The following NRG1 variants were observed in gnomAD, a reference collection of about 807,000 sequenced individuals.
NRG1 encodes the protein neuregulin 1, also known as pro-neuregulin-1, membrane-bound isoform.
NRG1 carries 18 observed loss-of-function variants against 63.8 expected under a neutral mutation model. The ratio of observed to expected loss-of-function variants is 0.28; its 90% confidence interval spans 0.19 to 0.42. The LOEUF is 0.42. Among genes scored for constraint, NRG1 ranks in the 10% least tolerant of loss-of-function variants. The pLI is 1.00. For synonymous variants in NRG1, 302 were observed against 301.3 expected, an observed-to-expected ratio of 1.00 and a Z score of -0.02; for missense variants, 762 against 814.7, an observed-to-expected ratio of 0.94 and a Z score of 0.79.
chr8:31,981,946 A>G (rs1341996417), intron 1 of NRG1, among the ~76,000 whole-genome samples: 1 of 152,004 alleles, frequency 6.6e-6, no homozygotes, highest in Admixed American at 6.6e-5. Flanking sequence ...TCATCTAATC[A>G]AAATGGTAGA....
intron 1 of NRG1, among the ~76,000 whole-genome samples, chr8:32,454,433 T>C (rs1014558576): frequency 6.6e-6 from 1 of 152,136 alleles, no homozygotes; most frequent in Non-Finnish European, 1.5e-5. Context: ...TGAAACCCTA[T>C]GAGATTAGGT....
At chr8:32,263,217 C>A (rs1432484893) in intron 1 of NRG1, among the ~76,000 whole-genome samples, 1 of 152,110 alleles carries the variant, frequency 6.6e-6, no homozygotes, top group Non-Finnish European at 1.5e-5. Flanking sequence ...CTATGCTATC[C>A]CCTATGTGCT....
At chr8:32,159,768 T>C (rs1331127148) in intron 1 of NRG1, among the ~76,000 whole-genome samples, 3 of 152,060 alleles carry the variant, frequency 2.0e-5, no homozygotes, top group Non-Finnish European at 4.4e-5. Flanking sequence ...AGTATTAGTA[T>C]AATAGTCTTA....
chr8:31,989,527 G>A (rs1439201135), intron 1 of NRG1, among the ~76,000 whole-genome samples: 1 of 151,966 alleles, frequency 6.6e-6, no homozygotes, highest in Admixed American at 6.6e-5. Flanking sequence ...AAGCTGCTAT[G>A]CCTCAAGTAC....
intron 1 of NRG1, among the ~76,000 whole-genome samples, chr8:32,150,388 A>G (rs1205839019): frequency 1.3e-5 from 2 of 152,212 alleles, no homozygotes; most frequent in Non-Finnish European, 2.9e-5. Flanking sequence ...AGTGTGATAT[A>G]ATCAAGAGAT....
intron 1 of NRG1, among the ~76,000 whole-genome samples, chr8:31,866,678 AGTTCTT>A (rs2129611084): frequency 6.6e-6 from 1 of 152,282 alleles, no homozygotes; most frequent in East Asian, 1.9e-4. Flanking sequence ...ATGTTAATAC[AGTTCTT>A]GTTCTTATTC....
intron 1 of NRG1, among the ~76,000 whole-genome samples, chr8:32,271,419 G>C (rs1586540743): frequency 6.6e-6 from 1 of 152,184 alleles, no homozygotes; most frequent in Non-Finnish European, 1.5e-5. Flanking sequence ...AAGAGGAGAA[G>C]AGACTGAGTA....
intron 1 of NRG1, among the ~76,000 whole-genome samples, chr8:32,088,013 G>C (rs1173654310): frequency 6.6e-6 from 1 of 152,084 alleles, no homozygotes; most frequent in African/African-American, 2.4e-5. Context: ...TTCCCACCCT[G>C]CTCTCCAAGG....
At chr8:32,330,779 G>A (rs1441217761) in intron 1 of NRG1, among the ~76,000 whole-genome samples, 1 of 152,182 alleles carries the variant, frequency 6.6e-6, no homozygotes, top group African/African-American at 2.4e-5. Context: ...CTGGGCCACG[G>A]ACCATGGCAC....
At chr8:32,758,853 T>C (rs1475239754) in intron 9 of NRG1, among the ~76,000 whole-genome samples, 1 of 152,074 alleles carries the variant, frequency 6.6e-6, no homozygotes, top group Admixed American at 6.6e-5. Flanking sequence ...ATTCTGAATA[T>C]TTTTTTCTAG....
At chr8:32,607,867 A>G (rs1007549918) in intron 3 of NRG1, among the ~76,000 whole-genome samples, 1 of 152,184 alleles carries the variant, frequency 6.6e-6, no homozygotes, top group Admixed American at 6.5e-5. Flanking sequence ...ATAGGTTCCT[A>G]TGGACTTATG....
At chr8:32,044,175 G>T (rs572754470) in intron 1 of NRG1, among the ~76,000 whole-genome samples, 116 of 151,898 alleles carry the variant, frequency 7.6e-4, no homozygotes, top group South Asian at 1.9e-3. Context: ...AGACAAAATA[G>T]ACTTCAAAGC....
intron 1 of NRG1, among the ~76,000 whole-genome samples, chr8:32,591,487 A>T (rs1347671811): frequency 6.6e-6 from 1 of 152,098 alleles, no homozygotes; most frequent in Non-Finnish European, 1.5e-5. Context: ...ACCACTCTGC[A>T]TATGGACCCC....
intron 5 of NRG1, among the ~76,000 whole-genome samples, chr8:32,687,455 C>T (rs563809558): frequency 2.8e-4 from 43 of 152,226 alleles, no homozygotes; most frequent in Admixed American, 2.6e-3. Context: ...AACCAGAAAC[C>T]ACATATGAAA....
intron 1 of NRG1, among the ~76,000 whole-genome samples, chr8:31,750,538 G>A (rs1169341672): frequency 6.6e-6 from 1 of 151,920 alleles, no homozygotes; most frequent in African/African-American, 2.4e-5. Context: ...AAACTCAAGT[G>A]CACTTAACAG....
intron 1 of NRG1, among the ~76,000 whole-genome samples, chr8:31,699,377 A>C (rs1810402102): frequency 6.6e-6 from 1 of 152,146 alleles, no homozygotes; most frequent in African/African-American, 2.4e-5. Context: ...GACGGTGAAG[A>C]TGTAATTTTT....
chr8:32,069,352 AG>A (rs1329442118), intron 1 of NRG1, among the ~76,000 whole-genome samples: 1 of 152,184 alleles, frequency 6.6e-6, no homozygotes, highest in African/African-American at 2.4e-5. Context: ...ACGGGCTTTG[AG>A]GATTAGAGTT....
At chr8:31,639,552 G>A (rs1005408535) in intron 1 of NRG1, 6 of 1,447,654 alleles carry the variant, frequency 4.1e-6, no homozygotes, top group South Asian at 1.3e-5. Flanking sequence ...CTTGCTCGCA[G>A]CCCCAGCAGC....
At chr8:32,557,559 T>C (rs1748273678) in intron 1 of NRG1, among the ~76,000 whole-genome samples, 1 of 152,202 alleles carries the variant, frequency 6.6e-6, no homozygotes, top group Non-Finnish European at 1.5e-5. Context: ...AGCAGTCATA[T>C]TGAAACTGAT....
Sources: gnomAD v4.1 joint callset for allele counts (sites outside exome capture counted in the v4.1 genomes callset) on GRCh38, gnomAD v4.1.1 for gene constraint, MANE v1.5 for transcripts, NCBI Gene and HGNC (gene_info 2026-07-23, HGNC 2026-07-21) for gene names.